Variants in KCNK18 observed in about 807,000 individuals in gnomAD.
KCNK18 encodes potassium channel subfamily K member 18.
Under a neutral mutation model 11.8 loss-of-function variants are expected in KCNK18, and 8 were observed. That is an observed-to-expected ratio of 0.68 (90% CI 0.40 to 1.22). The LOEUF is 1.22. Ranked by LOEUF, KCNK18 falls within the 50% of genes most tolerant of loss-of-function variation. The probability of loss-of-function intolerance (pLI) is 0.01; values close to 1 mark genes in which losing one functional copy is unlikely to be tolerated. For synonymous variants in KCNK18, 208 were observed against 185.8 expected, an observed-to-expected ratio of 1.12 and a Z score of -0.97; for missense variants, 442 against 465.4, an observed-to-expected ratio of 0.95 and a Z score of 0.46.
rs1855116946 is a variant in KCNK18, at chr10:117,209,522, C to G, written c.378C>G (p.Thr126=). The change falls in exon 3 of 3, where the codon ACC becomes ACG. Residue 126 remains threonine, a synonymous_variant. Transcript: ENST00000334549. ...TVGYGYIYPV[T]RLGKYLCMLY... is the part of the protein sequence containing the mutation. ...GCTATGGCTACATCTACCCCGTCAC[C>G]AGGCTTGGCAAGTACTTGTGCATGC... 1.9e-6 allele frequency: 3 copies of G among 1,614,174 alleles called. No individual in the cohort carries two copies. Among genetic ancestry groups the G allele is most frequent in the Non-Finnish European group, 2.5e-6 (3 of 1,180,016 alleles).
chr10:117,204,048 A>C (rs1429577594), intron 2 of KCNK18, among the ~76,000 whole-genome samples: 1 of 152,138 alleles, frequency 6.6e-6, no homozygotes, highest in Non-Finnish European at 1.5e-5. Context: ...TGGGAGGATC[A>C]GGTGAGAGTT....
chr10:117,203,096 T>G (rs2133703459), intron 2 of KCNK18, among the ~76,000 whole-genome samples: 1 of 152,074 alleles, frequency 6.6e-6, no homozygotes, highest in East Asian at 1.9e-4. Context: ...AGGCTGGTCT[T>G]GAACTCCTGA....
chr10:117,201,084 T>C, intron 1 of KCNK18, 75 bp from the exon 2 acceptor site: 1 of 1,571,362 alleles, frequency 6.4e-7, no homozygotes, highest in Non-Finnish European at 8.7e-7. Context: ...GGGAAGACTA[T>C]CCCTTTCACT....
chr10:117,201,499 C>T (rs11819543), intron 2 of KCNK18, among the ~76,000 whole-genome samples: 1,752 of 152,304 alleles, frequency 0.012, 33 homozygotes, highest in African/African-American at 0.04. Flanking sequence ...TGTTCTAAGA[C>T]CTTTATGCTG....
chr10:117,198,639 AAGTC>A (rs1463605456), intron 1 of KCNK18, among the ~76,000 whole-genome samples: 2 of 152,228 alleles, frequency 1.3e-5, no homozygotes, highest in Admixed American at 6.5e-5. Flanking sequence ...CAGACACTAA[AAGTC>A]AGGAGAAGAA....
chr10:117,201,124 C>T, intron 1 of KCNK18, 35 bp from the exon 2 acceptor site: 1 of 1,613,754 alleles, frequency 6.2e-7, no homozygotes, highest in South Asian at 1.1e-5. Flanking sequence ...CCAGCAGAAC[C>T]TTTTCCTCAA....
intron 2 of KCNK18, among the ~76,000 whole-genome samples, chr10:117,204,680 G>A (rs902801792): frequency 2.0e-5 from 3 of 152,204 alleles, no homozygotes; most frequent in African/African-American, 7.2e-5. Flanking sequence ...CCAGCAATCT[G>A]TAGTTTAGAA....
intron 1 of KCNK18, among the ~76,000 whole-genome samples, chr10:117,199,264 G>A (rs1041940962): frequency 5.3e-5 from 8 of 152,226 alleles, no homozygotes; most frequent in Non-Finnish European, 1.2e-4. Context: ...AGGCTACAGT[G>A]AGCCGTGATT....
Position 117,201,214 on chromosome 10 carries a change from G to A in KCNK18, c.279G>A (p.Gln93=), listed in dbSNP as rs143253946. ...GGCATCTGCAGAAGGTGAAGCCTCA[G>A]TGGTTTAACAGGACCACACACTGGT... ...LQGHLQKVKP[Q]WFNRTTHWSF... Residue 93 remains glutamine (Q), a synonymous_variant, in exon 2 of 3, where the codon CAG becomes CAA. Coordinates refer to ENST00000334549, the MANE Select transcript of KCNK18 (RefSeq NM_181840.1). The A allele has an allele frequency of 9.9e-6, 16 of 1,614,212 alleles. No homozygotes were observed. Among genetic ancestry groups the A allele is most frequent in the Non-Finnish European group, 1.4e-5 (16 of 1,180,032 alleles).
chr10:117,203,635 G>C (rs765946734), intron 2 of KCNK18, among the ~76,000 whole-genome samples: 4 of 152,214 alleles, frequency 2.6e-5, no homozygotes, highest in Non-Finnish European at 4.4e-5. Context: ...CGCCTCCCAG[G>C]TTCAAGCAAT....
At position 117,202,885 on chromosome 10, in the gene KCNK18, GC is replaced by G. The variant is rs150411928; in HGVS notation, c.352+1599del. On this transcript the variant is annotated intron_variant, in intron 2 of 2. Transcript: ENST00000334549. ...CGTGGTTTCTCCCATTTGCCTGAAT[GC>G]TTTTTTTTTTTTTTTTTTTTTTGAG... Among the ~76,000 whole-genome samples, 66 of 111,284 alleles carry G rather than the reference GC, an allele frequency of 5.9e-4. 3 individuals are homozygous for G. The highest frequency in any genetic ancestry group is 2.2e-3 in the African/African-American group (62 of 27,666). 73.0% of individuals were successfully genotyped at this position (111,284 alleles called of 152,430 possible). A position where few individuals can be genotyped will look rare whatever the true frequency, so the allele number is the denominator to read the frequency against.
At chr10:117,209,224 C>A (rs1855111564) in intron 2 of KCNK18, among the ~76,000 whole-genome samples, 1 of 152,164 alleles carries the variant, frequency 6.6e-6, no homozygotes, top group Non-Finnish European at 1.5e-5. Context: ...TCACCCCAAA[C>A]CTGTGCTGGT....
At chr10:117,206,179 A>G (rs1182779590) in intron 2 of KCNK18, among the ~76,000 whole-genome samples, 1 of 152,132 alleles carries the variant, frequency 6.6e-6, no homozygotes, top group Non-Finnish European at 1.5e-5. Context: ...GAAATTCGAA[A>G]TCAGTTTTAC....
chr10:117,197,614 T>A lies in KCNK18; in HGVS notation c.126T>A (p.Ser42=). The part of the protein sequence containing the change: ...TYALVGAVVF[S]AIEDGQVLVA... Reference sequence around the variant, plus strand: ...CCCTGGTGGGTGCTGTGGTCTTCTCTGCCATTGAGGACGGCCAGGTCCTGG... The same window carrying A: ...CCCTGGTGGGTGCTGTGGTCTTCTCAGCCATTGAGGACGGCCAGGTCCTGG... Residue 42 remains serine (S), a synonymous_variant, in exon 1 of 3, where the codon TCT becomes TCA. Transcript: ENST00000334549. 3 of 1,614,168 alleles carry A rather than the reference T, an allele frequency of 1.9e-6. No homozygotes were observed. The highest frequency in any genetic ancestry group is 2.5e-6 in the Non-Finnish European group (3 of 1,179,978).
Position 117,201,284 on chromosome 10 carries a change from G to A in KCNK18, c.349G>A (p.Val117Met), listed in dbSNP as rs748343807. The A allele has an allele frequency of 1.1e-5, 17 of 1,612,976 alleles. No homozygotes were observed. Among genetic ancestry groups the A allele is most frequent in the Middle Eastern group, 3.5e-4 (2 of 5,786 alleles). ...LFFCCTVFST[V>M]GYGYIYPVTR... Reference sequence around the variant, plus strand: ...TTTCTGCTGCACGGTGTTCAGCACCGTGGGTAAGTGCAAAGCCACAGTCCC... The same window carrying A: ...TTTCTGCTGCACGGTGTTCAGCACCATGGGTAAGTGCAAAGCCACAGTCCC... The change falls in exon 2 of 3, where the codon GTG becomes ATG. Residue 117 changes from valine to methionine, a missense_variant. By Grantham distance (21) the Val-to-Met change is conservative (BLOSUM62 1). Coordinates refer to ENST00000334549, the MANE Select transcript of KCNK18 (RefSeq NM_181840.1).
At chr10:117,200,716 G>A (rs547349000) in intron 1 of KCNK18, among the ~76,000 whole-genome samples, 8 of 151,932 alleles carry the variant, frequency 5.3e-5, no homozygotes, top group Non-Finnish European at 1.2e-4. Context: ...GGAGGCTGAA[G>A]CAAGAGGATT....
At chr10:117,205,754 C>A (rs1211128584) in intron 2 of KCNK18, among the ~76,000 whole-genome samples, 2 of 152,072 alleles carry the variant, frequency 1.3e-5, no homozygotes, top group Non-Finnish European at 2.9e-5. Flanking sequence ...ATGATTTTTT[C>A]AAGATGCAAA....
At chr10:117,209,189 C>A (rs1855111253) in intron 2 of KCNK18, among the ~76,000 whole-genome samples, 1 of 152,224 alleles carries the variant, frequency 6.6e-6, no homozygotes, top group African/African-American at 2.4e-5. Context: ...CAGAAATGGC[C>A]AGAACAGAAT....
chr10:117,210,175 T>A lies in KCNK18; in HGVS notation c.1031T>A (p.Ile344Asn), dbSNP rs770869540. The A allele has an allele frequency of 1.2e-6, 2 of 1,614,116 alleles. No individual in the cohort carries two copies. Among genetic ancestry groups the A allele is most frequent in the East Asian group, 2.2e-5 (1 of 44,888 alleles). The change falls in exon 3 of 3, where the codon ATC (isoleucine) becomes AAC (asparagine). Residue 344 changes from isoleucine (I) to asparagine (N), a missense_variant. Ile to Asn is a moderately radical substitution (Grantham distance 149). Transcript: ENST00000334549. Reference protein sequence around the residue: ...PNFFLFFSIYIIVGMEIVFIA... With the variant: ...PNFFLFFSIYNIVGMEIVFIA... Reference sequence around the variant, plus strand: ...TTCTTCCTGTTCTTCTCCATTTATATCATCGTTGGAATGGAGATTGTGTTC... The same window carrying A: ...TTCTTCCTGTTCTTCTCCATTTATAACATCGTTGGAATGGAGATTGTGTTC...
Sources: allele counts gnomAD v4.1 joint callset (sites outside exome capture counted in the v4.1 genomes callset), GRCh38; gene constraint gnomAD v4.1.1; transcripts MANE v1.5; gene names NCBI Gene and HGNC (gene_info 2026-07-23, HGNC 2026-07-21).